Variants in EXOC4 observed in about 807,000 individuals in gnomAD.
EXOC4 encodes the protein exocyst complex component 4.
In EXOC4, 71 loss-of-function variants were observed where a neutral mutation model predicts 107.2. The ratio of observed to expected loss-of-function variants is 0.66; its 90% CI spans 0.55 to 0.81. The LOEUF is 0.81. Ranked by LOEUF, EXOC4 falls within the 30% of genes least tolerant of loss-of-function variation. The pLI, the probability that EXOC4 is intolerant of heterozygous loss-of-function variation, is 0.00. For synonymous variants in EXOC4, 456 were observed against 441.2 expected (o/e 1.03, Z -0.42); for missense variants, 1,108 against 1,189.6 (o/e 0.93, Z 1.01).
the EXOC4 span, among the ~76,000 whole-genome samples, chr7:134,073,622 A>G: frequency 6.6e-6 from 1 of 151,666 alleles, no homozygotes; most frequent in Non-Finnish European, 1.5e-5. Flanking sequence ...TAATAAGTTC[A>G]CAAATTGCTC....
At chr7:133,465,913 A>C (rs930095979) in intron 7 of EXOC4, among the ~76,000 whole-genome samples, 2 of 152,118 alleles carry the variant, frequency 1.3e-5, no homozygotes, top group South Asian at 4.1e-4. Flanking sequence ...AGGTGGGTGG[A>C]TCACCAGAGG....
At chr7:133,789,925 A>G (rs572420214) in intron 10 of EXOC4, among the ~76,000 whole-genome samples, 3 of 152,230 alleles carry the variant, frequency 2.0e-5, no homozygotes, top group Non-Finnish European at 4.4e-5. Context: ...GTTTTAAAGT[A>G]TCCAAGGACT....
intron 9 of EXOC4, among the ~76,000 whole-genome samples, chr7:133,519,607 A>G (rs1459409262): frequency 6.6e-6 from 1 of 152,196 alleles, no homozygotes; most frequent in Non-Finnish European, 1.5e-5. Flanking sequence ...TAAAAATAGG[A>G]GAAAAAAAGC....
chr7:133,423,750 A>G (rs930075396), intron 7 of EXOC4, among the ~76,000 whole-genome samples: 1 of 151,696 alleles, frequency 6.6e-6, no homozygotes, highest in Non-Finnish European at 1.5e-5. Context: ...GTGTGGAGGG[A>G]GAGGCGCGGG....
At chr7:133,384,882 C>T (rs1377839123) in intron 7 of EXOC4, among the ~76,000 whole-genome samples, 1 of 150,970 alleles carries the variant, frequency 6.6e-6, no homozygotes, top group Admixed American at 6.6e-5. Flanking sequence ...TTTTATTTCT[C>T]ATAGTTTTGT....
At chr7:133,365,675 A>G (rs1221681917) in intron 6 of EXOC4, among the ~76,000 whole-genome samples, 2 of 152,306 alleles carry the variant, frequency 1.3e-5, no homozygotes, top group South Asian at 2.1e-4. Context: ...CTTATTAATA[A>G]GTGGTAAAAC....
chr7:133,633,447 G>C (rs4731969), intron 10 of EXOC4, among the ~76,000 whole-genome samples: 148,703 of 152,266 alleles, frequency 0.98, 72,705 homozygotes, highest in East Asian at 1. Context: ...GGCTGGGCAC[G>C]GTGGCTCACA....
chr7:133,737,411 C>T (rs1274441388), intron 10 of EXOC4, among the ~76,000 whole-genome samples: 2 of 150,550 alleles, frequency 1.3e-5, no homozygotes, highest in African/African-American at 4.9e-5. Context: ...TTTTTTTGGA[C>T]ATTTCTTTTC....
intron 7 of EXOC4, among the ~76,000 whole-genome samples, chr7:133,433,258 GC>G (rs920620088): frequency 3.9e-5 from 6 of 152,040 alleles, no homozygotes; most frequent in Admixed American, 6.6e-5. Flanking sequence ...ACTCCCAATA[GC>G]CCCCCACCCA....
intron 1 of EXOC4, among the ~76,000 whole-genome samples, chr7:133,265,138 T>C (rs951989740): frequency 1.5e-4 from 23 of 152,186 alleles, no homozygotes; most frequent in Non-Finnish European, 4.4e-5. Context: ...GCAACAGGAA[T>C]ATTATGTTCT....
chr7:133,644,322 A>ATGGT (rs1262858582), intron 10 of EXOC4, among the ~76,000 whole-genome samples: 5 of 152,102 alleles, frequency 3.3e-5, no homozygotes, highest in Non-Finnish European at 7.3e-5. Flanking sequence ...TTTGCGTTTG[A>ATGGT]TGGTTGAGTG....
At position 133,476,510 on chromosome 7, in the gene EXOC4, T is replaced by C. The variant is rs140863076; in HGVS notation, c.1328+1037T>C. ...TTTTTCAGCAGTTGGAGATCTAATA[T>C]CTTCTGTTGATTCACATTTGAGGCT... On this transcript the variant is annotated intron_variant, in intron 8 of 17. Transcript: ENST00000253861. Among the ~76,000 whole-genome samples the C allele has an allele frequency of 2.0e-5, 3 of 152,342 alleles. No individual in the cohort carries two copies. The East Asian group carries it at 5.8e-4, about 29-fold the overall frequency.
At chr7:133,688,283 A>T (rs1794349039) in intron 10 of EXOC4, among the ~76,000 whole-genome samples, 1 of 152,188 alleles carries the variant, frequency 6.6e-6, no homozygotes, top group Admixed American at 6.5e-5. Flanking sequence ...GCATTTCATT[A>T]TGTTCATATC....
intron 1 of EXOC4, among the ~76,000 whole-genome samples, chr7:133,264,110 G>T (rs960350069): frequency 6.6e-6 from 1 of 152,176 alleles, no homozygotes; most frequent in African/African-American, 2.4e-5. Flanking sequence ...AGAGTAGGGG[G>T]TAGATTTTAA....
chr7:133,269,213 G>C (rs1410420789), intron 1 of EXOC4, among the ~76,000 whole-genome samples: 4 of 152,144 alleles, frequency 2.6e-5, no homozygotes, highest in African/African-American at 9.7e-5. Flanking sequence ...ACTGTCTGCT[G>C]TTCTCTTTAC....
intron 11 of EXOC4, among the ~76,000 whole-genome samples, chr7:133,826,171 G>T (rs1250665004): frequency 2.6e-5 from 4 of 152,248 alleles, no homozygotes; most frequent in Admixed American, 1.3e-4. Context: ...TCACTTCCAA[G>T]ATACCAGAGC....
intron 5 of EXOC4, among the ~76,000 whole-genome samples, chr7:133,339,510 G>A (rs1647054): frequency 0.98 from 149,260 of 152,282 alleles, 73,200 homozygotes; most frequent in East Asian, 1. Flanking sequence ...TTGGTGCCAC[G>A]TGAATTTTAA....
intron 13 of EXOC4, among the ~76,000 whole-genome samples, chr7:133,937,163 C>CTACA (rs1391840613): frequency 6.6e-6 from 1 of 152,082 alleles, no homozygotes; most frequent in African/African-American, 2.4e-5. Context: ...TTGTAACCCC[C>CTACA]TGTAACTTGA....
At chr7:133,827,930 C>A (rs1226374079) in intron 11 of EXOC4, among the ~76,000 whole-genome samples, 1 of 152,046 alleles carries the variant, frequency 6.6e-6, no homozygotes, top group Non-Finnish European at 1.5e-5. Flanking sequence ...TAGGGATAAC[C>A]CCTGGGTTTT....
Sources: allele counts gnomAD v4.1 joint callset (sites outside exome capture counted in the v4.1 genomes callset), GRCh38; gene constraint gnomAD v4.1.1; transcripts MANE v1.5; gene names NCBI Gene and HGNC (gene_info 2026-07-23, HGNC 2026-07-21).